GRID2: variants seen among roughly 807,000 people sequenced by gnomAD.
GRID2 encodes the protein glutamate receptor ionotropic, delta-2.
A neutral mutation model predicts 114.8 loss-of-function variants in GRID2; 33 were observed. The observed-to-expected ratio is 0.29, with a 90% CI of 0.22 to 0.38. The LOEUF (loss-of-function observed/expected upper bound fraction) is 0.38. GRID2 is among the 10% of genes least tolerant of loss of function. GRID2 has a pLI of 1.00. For missense variants in GRID2, 1,184 were observed against 1,257.7 expected, an observed-to-expected ratio of 0.94 and a Z score of 0.89; for synonymous variants, 505 against 449.9, an observed-to-expected ratio of 1.12 and a Z score of -1.55.
intron 14 of GRID2, among the ~76,000 whole-genome samples, chr4:93,729,866 T>C (rs564067610): frequency 4.6e-5 from 7 of 152,306 alleles, no homozygotes; most frequent in African/African-American, 1.7e-4. Flanking sequence ...CCAATGCATG[T>C]ATAATTAAAT....
chr4:93,287,809 C>T (rs1753340502), intron 8 of GRID2, among the ~76,000 whole-genome samples: 1 of 152,082 alleles, frequency 6.6e-6, no homozygotes, highest in South Asian at 2.1e-4. Context: ...ACTGTATTGC[C>T]AATTCTGGAG....
chr4:93,398,133 G>GTGTGTGTGTGTGTA, intron 9 of GRID2, among the ~76,000 whole-genome samples: 1 of 122,332 alleles, frequency 8.2e-6, no homozygotes, highest in African/African-American at 3.9e-5. Flanking sequence ...ATGTGTGTGT[G>GTGTGTGTGTGTGTA]TATATATATA....
chr4:92,306,238 C>G (rs1725400103), intron 1 of GRID2, among the ~76,000 whole-genome samples: 1 of 152,220 alleles, frequency 6.6e-6, no homozygotes, highest in Non-Finnish European at 1.5e-5. Flanking sequence ...AACTGTCTGT[C>G]TCTGTGCAAG....
chr4:92,315,806 A>G (rs1389239407), intron 1 of GRID2, among the ~76,000 whole-genome samples: 2 of 151,808 alleles, frequency 1.3e-5, no homozygotes, highest in Non-Finnish European at 2.9e-5. Flanking sequence ...CCCCGTCTCT[A>G]CTAAAAATAC....
intron 1 of GRID2, among the ~76,000 whole-genome samples, chr4:92,500,095 G>T (rs144189422): frequency 6.6e-6 from 1 of 151,952 alleles, no homozygotes. Context: ...CTAATTCATC[G>T]GTCTTGAAGT....
intron 1 of GRID2, among the ~76,000 whole-genome samples, chr4:92,445,471 TTAAAC>T (rs1560635562): frequency 6.6e-6 from 1 of 152,234 alleles, no homozygotes; most frequent in South Asian, 2.1e-4. Context: ...GGAGATTTTA[TTAAAC>T]TTTCATGTTG....
intron 1 of GRID2, among the ~76,000 whole-genome samples, chr4:92,514,260 T>C (rs1328790167): frequency 2.0e-5 from 3 of 151,896 alleles, no homozygotes; most frequent in Admixed American, 6.6e-5. Flanking sequence ...TGTAATTTGA[T>C]AGTACAGCTT....
intron 2 of GRID2, among the ~76,000 whole-genome samples, chr4:92,926,105 C>A (rs568052099): frequency 2.1e-4 from 32 of 151,682 alleles, no homozygotes; most frequent in African/African-American, 7.7e-4. Context: ...TATTAAAAGC[C>A]TTTATGAAGT....
At chr4:93,403,710 A>C (rs912324585) in intron 9 of GRID2, among the ~76,000 whole-genome samples, 1 of 152,140 alleles carries the variant, frequency 6.6e-6, no homozygotes, top group Non-Finnish European at 1.5e-5. Context: ...GGCTATATTC[A>C]AAATGACAGA....
At chr4:93,700,530 G>A (rs1423440304) in intron 14 of GRID2, among the ~76,000 whole-genome samples, 1 of 151,830 alleles carries the variant, frequency 6.6e-6, no homozygotes, top group Non-Finnish European at 1.5e-5. Flanking sequence ...CATTTTTCAG[G>A]GTATATTAAC....
intron 1 of GRID2, among the ~76,000 whole-genome samples, chr4:92,524,157 G>T (rs993882257): frequency 6.6e-6 from 1 of 151,938 alleles, no homozygotes; most frequent in Non-Finnish European, 1.5e-5. Flanking sequence ...TGGTAAACAA[G>T]GGTTGAGTAC....
intron 2 of GRID2, among the ~76,000 whole-genome samples, chr4:92,867,428 A>G (rs943255825): frequency 2.6e-5 from 4 of 152,162 alleles, no homozygotes; most frequent in African/African-American, 7.2e-5. Flanking sequence ...TGGCGATACC[A>G]CAATTCTAAT....
intron 8 of GRID2, among the ~76,000 whole-genome samples, chr4:93,387,829 C>CAA (rs11453782): frequency 0.02 from 2,028 of 98,970 alleles, 47 homozygotes; most frequent in African/African-American, 0.06. Context: ...GACTCTGTCT[C>CAA]AAAAAAAAAA....
At chr4:92,716,914 A>G (rs147184333) in intron 2 of GRID2, among the ~76,000 whole-genome samples, 1 of 152,326 alleles carries the variant, frequency 6.6e-6, no homozygotes, top group East Asian at 1.9e-4. Flanking sequence ...AAAGCAATCT[A>G]AATATCTCCA....
intron 1 of GRID2, among the ~76,000 whole-genome samples, chr4:92,434,531 C>T (rs1732637066): frequency 6.6e-6 from 1 of 152,032 alleles, no homozygotes; most frequent in Admixed American, 6.6e-5. Context: ...TTATAGGTGT[C>T]ATATATTTAG....
chr4:93,405,167 C>G (rs1766286418), intron 9 of GRID2, among the ~76,000 whole-genome samples: 1 of 151,998 alleles, frequency 6.6e-6, no homozygotes, highest in African/African-American at 2.4e-5. Flanking sequence ...TGTTTTGTCT[C>G]TTCTTCTGAG....
chr4:92,953,246 G>A (rs1233126687), intron 2 of GRID2, among the ~76,000 whole-genome samples: 1 of 152,108 alleles, frequency 6.6e-6, no homozygotes, highest in Non-Finnish European at 1.5e-5. Flanking sequence ...CTATAACATT[G>A]AGTAATAGCA....
intron 13 of GRID2, among the ~76,000 whole-genome samples, chr4:93,565,059 A>G (rs939763754): frequency 2.0e-5 from 3 of 152,104 alleles, no homozygotes; most frequent in African/African-American, 7.2e-5. Flanking sequence ...TCTAGTTGCA[A>G]TTGAACTGTC....
intron 2 of GRID2, among the ~76,000 whole-genome samples, chr4:92,935,033 C>A (rs1750549312): frequency 6.8e-6 from 1 of 146,532 alleles, no homozygotes; most frequent in African/African-American, 2.4e-5. Flanking sequence ...CCAAAATTGA[C>A]AAATGGGATC....
Sources: allele counts gnomAD v4.1 joint callset (sites outside exome capture counted in the v4.1 genomes callset), GRCh38; gene constraint gnomAD v4.1.1; transcripts MANE v1.5; gene names NCBI Gene and HGNC (gene_info 2026-07-23, HGNC 2026-07-21).